The following LCN15 variants were observed in gnomAD, a reference collection of about 807,000 sequenced individuals.
The protein encoded by LCN15 is lipocalin 15, also known as lipocalin-15.
A neutral mutation model predicts 23.1 loss-of-function variants in LCN15; 26 were observed. That is an observed-to-expected ratio of 1.13 (90% CI 0.82 to 1.56). The LOEUF (loss-of-function observed/expected upper bound fraction) is 1.56, where lower values mean the gene tolerates loss of function less well. Among genes scored for constraint, LCN15 ranks in the 40% most tolerant of loss-of-function variants. The probability of loss-of-function intolerance (pLI) is 0.00; values close to 1 mark genes in which losing one functional copy is unlikely to be tolerated. For missense variants in LCN15, 241 were observed against 239.5 expected (o/e 1.01, Z -0.04); for synonymous variants, 107 against 98.3 (o/e 1.09, Z -0.52).
In LCN15 at chr9:136,763,882, A is replaced by C; in HGVS notation, c.224T>G (p.Met75Arg). The change falls in exon 2 of 7, where the codon ATG becomes AGG. Residue 75 changes from methionine to arginine, a missense_variant. Met to Arg is a moderately conservative substitution (Grantham distance 91). Transcript: ENST00000316144. ...PTEEGGLHVH[M>R]EFPGADGCNQ... ...CCAAGTAACTCACCCCGGGAACTCC[A>C]TGTGGACGTGGAGGCCGCCCTCCTC... is the stretch of plus-strand genomic sequence containing the variant. 6.2e-7 allele frequency: 1 copy of C among 1,613,574 alleles called. No individual in the cohort carries two copies. The highest frequency in any genetic ancestry group is 1.1e-5 in the South Asian group (1 of 91,082).
At chr9:136,760,825 T>A (rs1253973011) in intron 6 of LCN15, among the ~76,000 whole-genome samples, 2 of 152,106 alleles carry the variant, frequency 1.3e-5, no homozygotes, top group Non-Finnish European at 2.9e-5. Context: ...CACAGAGCTG[T>A]GGATTGAATC....
chr9:136,760,686 G>T (rs1274641012), intron 6 of LCN15, among the ~76,000 whole-genome samples: 2 of 152,260 alleles, frequency 1.3e-5, no homozygotes, highest in Non-Finnish European at 2.9e-5. Flanking sequence ...TGGCTCCTGT[G>T]AGGGGCACTG....
At position 136,762,262 on chromosome 9, in the gene LCN15, GC is replaced by G; in HGVS notation, c.445del (p.Ala149LeufsTer2). ...GTAGAAGTCCTGGAAGGACTTCAGA[GC>G]CTGGGGACTCACATCCTGGGTCCGG... ...YSRTQDVSPQ[A>X]LKSFQDFYPT... On this transcript the variant is annotated frameshift_variant, in exon 5 of 7. Coordinates refer to ENST00000316144, the MANE Select transcript of LCN15 (RefSeq NM_203347.2). LOFTEE classifies it high-confidence loss of function. 1 of 1,594,216 alleles carries G rather than the reference GC, an allele frequency of 6.3e-7. No homozygotes were observed. The highest frequency in any genetic ancestry group is 1.3e-5 in the African/African-American group (1 of 74,458).
rs963675649 is a variant in LCN15, at chr9:136,764,262, G to A, written c.96+131C>T. 2.4e-5 allele frequency: 22 copies of A among 918,548 alleles called. No homozygotes were observed. The South Asian group carries it at 3.2e-4, about 13-fold the overall frequency. The allele number at this position is 918,548 out of a possible 1,614,324, so 56.9% of individuals were successfully genotyped here. Reference sequence around the variant, plus strand: ...AGGTTGGTTTAGGATTAAGCGCAGAGTGGGTCTATAGCACGTGCCTGGCCG... The same window carrying A: ...AGGTTGGTTTAGGATTAAGCGCAGAATGGGTCTATAGCACGTGCCTGGCCG... On this transcript the variant is annotated intron_variant, in intron 1 of 6. Coordinates refer to ENST00000316144, the MANE Select transcript of LCN15 (RefSeq NM_203347.2).
chr9:136,764,112 C>A (rs947664608), intron 1 of LCN15, 103 bp from the exon 2 acceptor site: 42 of 1,457,230 alleles, frequency 2.9e-5, no homozygotes, highest in Non-Finnish European at 3.7e-5. Flanking sequence ...CAAGGGGTCT[C>A]GGAGTGGCCA....
In LCN15 at chr9:136,761,946, C is replaced by T; in HGVS notation, c.521-93G>A. On this transcript the variant is annotated intron_variant, in intron 5 of 6. Coordinates refer to ENST00000316144, the MANE Select transcript of LCN15 (RefSeq NM_203347.2). The surrounding 1 kb of genome is among the most constrained non-coding windows in gnomAD (Gnocchi z 4.2). ...CCCCTGGGTGCCAAGGGCCACTGGACAGCTCCACCATCCCCAGAGAGTGGA... is the reference window on the plus strand; with the variant it reads ...CCCCTGGGTGCCAAGGGCCACTGGATAGCTCCACCATCCCCAGAGAGTGGA... The T allele has an allele frequency of 9.8e-7, 1 of 1,018,730 alleles. No individual in the cohort carries two copies. 63.1% of individuals were successfully genotyped at this position (1,018,730 alleles called of 1,614,324 possible). A position where few individuals can be genotyped will look rare whatever the true frequency, so the allele number is the denominator to read the frequency against.
intron 4 of LCN15, among the ~76,000 whole-genome samples, chr9:136,762,855 G>A (rs1358723470): frequency 6.7e-6 from 1 of 150,182 alleles, no homozygotes; most frequent in Non-Finnish European, 1.5e-5. Flanking sequence ...CTGGGGAGTC[G>A]GAGGTTGCAG....
At chr9:136,762,344 G>T in intron 4 of LCN15, 55 bp from the exon 5 acceptor site, 2 of 1,047,306 alleles carry the variant, frequency 1.9e-6, no homozygotes, top group South Asian at 1.4e-5. Flanking sequence ...TGCAGCACGG[G>T]GTCTCCTGGC....
intron 4 of LCN15, among the ~76,000 whole-genome samples, chr9:136,762,816 G>A (rs1847334241): frequency 1.3e-5 from 2 of 151,828 alleles, no homozygotes; most frequent in East Asian, 3.9e-4. Context: ...CCAGCTTATC[G>A]GGGGGCTGAG....
intron 1 of LCN15, 109 bp downstream of exon 1, chr9:136,764,284 G>T: frequency 1.8e-6 from 2 of 1,122,494 alleles, no homozygotes; most frequent in Non-Finnish European, 2.6e-6. Context: ...CACGTGCCTG[G>T]CCGGGCACAG....
Position 136,761,960 on chromosome 9 carries a change from C to A in LCN15, c.521-107G>T. On this transcript the variant is annotated intron_variant, in intron 5 of 6. Transcript: ENST00000316144. The surrounding 1 kb of genome is among the most constrained non-coding windows in gnomAD (Gnocchi z 4.2). Reference sequence around the variant, plus strand: ...GGGCCACTGGACAGCTCCACCATCCCCAGAGAGTGGAGCCCAGAGCTTCCC... The same window carrying A: ...GGGCCACTGGACAGCTCCACCATCCACAGAGAGTGGAGCCCAGAGCTTCCC... 1 of 939,924 alleles carries A rather than the reference C, an allele frequency of 1.1e-6. No individual in the cohort carries two copies. Among genetic ancestry groups the A allele is most frequent in the South Asian group, 2.3e-5 (1 of 43,914 alleles). The allele number at this position is 939,924 out of a possible 1,614,324, so 58.2% of individuals were successfully genotyped here.
chr9:136,762,191 A>G lies in LCN15; in HGVS notation c.517T>C (p.Ser173Pro). 1 of 1,577,644 alleles carries G rather than the reference A, an allele frequency of 6.3e-7. No homozygotes were observed. The highest frequency in any genetic ancestry group is 8.6e-7 in the Non-Finnish European group (1 of 1,162,846). ...TGGGCGGGGCTTGCCAGGGTACCTG[A>G]CTGGGGCAGCATGACCATCATGTCC... ...PKDMMVMLPQ[S>P]DACNPESKEA... The change falls in exon 5 of 7, where the codon TCA becomes CCA. Residue 173 changes from serine (S) to proline (P), a missense_variant. By Grantham distance (74) the Ser-to-Pro change is moderately conservative. Transcript: ENST00000316144.
At chr9:136,764,119 G>A in intron 1 of LCN15, 110 bp from the exon 2 acceptor site, 2 of 1,410,322 alleles carry the variant, frequency 1.4e-6, no homozygotes, top group Non-Finnish European at 9.7e-7. Context: ...TCTCGGAGTG[G>A]CCATGTCTTG....
chr9:136,764,141 A>T, intron 1 of LCN15, 132 bp from the exon 2 acceptor site: 1 of 1,159,606 alleles, frequency 8.6e-7, no homozygotes, highest in South Asian at 1.4e-5. Flanking sequence ...GTGTGAGCTG[A>T]GCCCAGGTGG....
chr9:136,761,823 G>C lies in LCN15; in HGVS notation c.551C>G (p.Pro184Arg), dbSNP rs1847320576. 2 of 1,300,262 alleles carry C rather than the reference G, an allele frequency of 1.5e-6. No homozygotes were observed. Among genetic ancestry groups the C allele is most frequent in the South Asian group, 3.1e-5 (1 of 31,926 alleles). The allele number at this position is 1,300,262 out of a possible 1,614,324, so 80.5% of individuals were successfully genotyped here. ...DACNPESKEA[P>R] ...GGGGGTGGGGCTCCGGAGGTGTCAG[G>C]GCGCCTCCTTGCTCTCAGGGTTGCA... Residue 184 changes from proline to arginine, a missense_variant, in exon 6 of 7, where the codon CCC becomes CGC. Coordinates refer to ENST00000316144, the MANE Select transcript of LCN15 (RefSeq NM_203347.2). This position sits in a 1 kb window ranked among gnomAD's most constrained non-coding sequence, Gnocchi z 4.2.
rs566265790 is a variant in LCN15, at chr9:136,761,028, G to T, written c.*32+759C>A. ...CTCGCTTCGGCAGCACAGACACTAG[G>T]GGGCAGTTTGGACACAGATGCACAG... On this transcript the variant is annotated intron_variant, in intron 6 of 6. Transcript: ENST00000316144. The surrounding 1 kb of genome is among the most constrained non-coding windows in gnomAD (Gnocchi z 4.2). Among the ~76,000 whole-genome samples, 35 of 152,336 alleles carry T rather than the reference G, an allele frequency of 2.3e-4. No individual in the cohort carries two copies. The highest frequency in any genetic ancestry group is 4.7e-4 in the Non-Finnish European group (32 of 68,028).
chr9:136,760,991 G>A (rs1163378513), intron 6 of LCN15, among the ~76,000 whole-genome samples: 1 of 152,200 alleles, frequency 6.6e-6, no homozygotes, highest in Non-Finnish European at 1.5e-5. Context: ...CTAAGAAGAG[G>A]GCCGTGGGGC....
At chr9:136,762,943 A>AAAC (rs1372812142) in intron 4 of LCN15, among the ~76,000 whole-genome samples, 1 of 127,822 alleles carries the variant, frequency 7.8e-6, no homozygotes, top group Non-Finnish European at 1.7e-5. Flanking sequence ...AAAAAAAAGA[A>AAAC]CCTCAGCCCC....
chr9:136,763,307 T>A (rs1156287894), intron 4 of LCN15, 50 bp downstream of exon 4: 2 of 922,384 alleles, frequency 2.2e-6, no homozygotes, highest in African/African-American at 4.0e-5. Context: ...GGGCGGGGCC[T>A]GTGGGAAGTT....
Sources: allele counts gnomAD v4.1 joint callset (sites outside exome capture counted in the v4.1 genomes callset), GRCh38; gene constraint gnomAD v4.1.1; non-coding constraint Gnocchi (gnomAD v3.1); transcripts MANE v1.5; gene names NCBI Gene and HGNC (gene_info 2026-07-23, HGNC 2026-07-21).